The following UBE2E2 variants were observed in gnomAD, a reference collection of about 807,000 sequenced individuals.
UBE2E2 encodes the protein ubiquitin conjugating enzyme E2 E2.
UBE2E2 carries 6 observed loss-of-function variants against 24.7 expected under a neutral mutation model. That is an observed-to-expected ratio of 0.24 (90% CI 0.13 to 0.48). The LOEUF is 0.48. Ranked by LOEUF, UBE2E2 falls within the 20% of genes least tolerant of loss-of-function variation. The pLI is 0.99. For synonymous variants in UBE2E2, 104 were observed against 83.6 expected, an observed-to-expected ratio of 1.24 and a Z score of -1.33; for missense variants, 169 against 245.0, an observed-to-expected ratio of 0.69 and a Z score of 2.07.
chr3:23,296,595 T>TA (rs1698916078), intron 3 of UBE2E2, among the ~76,000 whole-genome samples: 1 of 152,144 alleles, frequency 6.6e-6, no homozygotes, highest in African/African-American at 2.4e-5. Context: ...TGCTGAGAAT[T>TA]ACGGTTTCCA....
At chr3:23,342,946 G>T (rs191638608) in intron 3 of UBE2E2, among the ~76,000 whole-genome samples, 1 of 152,050 alleles carries the variant, frequency 6.6e-6, no homozygotes, top group African/African-American at 2.4e-5. Context: ...TTTTTTGGGG[G>T]TGGGGAACTT....
chr3:23,540,799 C>G (rs982940928), intron 5 of UBE2E2, among the ~76,000 whole-genome samples: 8 of 152,068 alleles, frequency 5.3e-5, no homozygotes, highest in African/African-American at 1.9e-4. Context: ...ACTGCAGCCC[C>G]CTACCGGAAC....
intron 3 of UBE2E2, among the ~76,000 whole-genome samples, chr3:23,232,238 T>G (rs1696994666): frequency 6.6e-6 from 1 of 152,206 alleles, no homozygotes; most frequent in Non-Finnish European, 1.5e-5. Flanking sequence ...AAGACATCAC[T>G]TTGTACATTC....
chr3:23,507,654 A>G (rs1198722033), intron 4 of UBE2E2, among the ~76,000 whole-genome samples: 1 of 152,198 alleles, frequency 6.6e-6, no homozygotes, highest in Admixed American at 6.5e-5. Context: ...TGAGCCTTTT[A>G]TCTCCAATTA....
At chr3:23,530,120 A>G (rs1324397258) in intron 4 of UBE2E2, among the ~76,000 whole-genome samples, 6 of 152,178 alleles carry the variant, frequency 3.9e-5, no homozygotes, top group African/African-American at 1.4e-4. Flanking sequence ...CTGACTTTAC[A>G]TTATGGTCTT....
chr3:23,572,762 C>T (rs1479301926), intron 5 of UBE2E2, among the ~76,000 whole-genome samples: 1 of 152,242 alleles, frequency 6.6e-6, no homozygotes, highest in Non-Finnish European at 1.5e-5. Context: ...ATATGTACCA[C>T]ATTTTCTTTA....
chr3:23,449,658 T>TA (rs1260323578), intron 3 of UBE2E2, among the ~76,000 whole-genome samples: 1 of 152,224 alleles, frequency 6.6e-6, no homozygotes, highest in Non-Finnish European at 1.5e-5. Context: ...GTTCTGGTAA[T>TA]ACTGCAGGTG....
At chr3:23,403,890 A>G (rs1209992234) in intron 3 of UBE2E2, among the ~76,000 whole-genome samples, 3 of 152,006 alleles carry the variant, frequency 2.0e-5, no homozygotes, top group Admixed American at 6.6e-5. Context: ...TTTCTACTTC[A>G]ATCCAAGATG....
At chr3:23,260,880 C>T (rs906326754) in intron 3 of UBE2E2, among the ~76,000 whole-genome samples, 1 of 151,920 alleles carries the variant, frequency 6.6e-6, no homozygotes, top group East Asian at 1.9e-4. Flanking sequence ...CTGAGGTGGG[C>T]GGATCACTTG....
chr3:23,480,630 GAA>G (rs34377610), intron 3 of UBE2E2, among the ~76,000 whole-genome samples: 2 of 109,736 alleles, frequency 1.8e-5, no homozygotes, highest in African/African-American at 6.6e-5. Flanking sequence ...CTTGTCTCAG[GAA>G]AAAAAAAAAA....
At chr3:23,235,255 G>A (rs1174298846) in intron 3 of UBE2E2, among the ~76,000 whole-genome samples, 1 of 152,146 alleles carries the variant, frequency 6.6e-6, no homozygotes, top group African/African-American at 2.4e-5. Flanking sequence ...TTAGTGTGGG[G>A]TTCTAGTTTT....
At chr3:23,515,427 G>A (rs986600049) in intron 4 of UBE2E2, among the ~76,000 whole-genome samples, 2 of 152,000 alleles carry the variant, frequency 1.3e-5, no homozygotes, top group Admixed American at 6.6e-5. Flanking sequence ...GGTCCATGAT[G>A]GATGATAGAA....
intron 3 of UBE2E2, among the ~76,000 whole-genome samples, chr3:23,395,670 A>G (rs187521790): frequency 3.3e-5 from 5 of 152,258 alleles, no homozygotes; most frequent in Admixed American, 2.0e-4. Flanking sequence ...GTGAATCCAG[A>G]ATCTTCTTTA....
intron 3 of UBE2E2, among the ~76,000 whole-genome samples, chr3:23,226,566 G>A (rs1367126107): frequency 6.6e-6 from 1 of 152,186 alleles, no homozygotes; most frequent in Non-Finnish European, 1.5e-5. Flanking sequence ...GGAGGGATGT[G>A]AACTTGGCTT....
chr3:23,302,765 G>A (rs4858495), intron 3 of UBE2E2, among the ~76,000 whole-genome samples: 127,967 of 152,230 alleles, frequency 0.84, 53,896 homozygotes, highest in African/African-American at 0.9. Flanking sequence ...CATAGAAAAT[G>A]TTTAAACTAA....
chr3:23,333,224 G>C (rs1486900057), intron 3 of UBE2E2, among the ~76,000 whole-genome samples: 1 of 152,184 alleles, frequency 6.6e-6, no homozygotes, highest in African/African-American at 2.4e-5. Context: ...TGAGCTTCTA[G>C]AGCTTTGAAG....
chr3:23,288,570 A>G (rs1698679494), intron 3 of UBE2E2, among the ~76,000 whole-genome samples: 1 of 152,088 alleles, frequency 6.6e-6, no homozygotes, highest in South Asian at 2.1e-4. Context: ...GCTCAACAAT[A>G]TTTGCTGTAT....
At chr3:23,504,678 C>A (rs2125459720) in intron 4 of UBE2E2, among the ~76,000 whole-genome samples, 1 of 152,194 alleles carries the variant, frequency 6.6e-6, no homozygotes, top group South Asian at 2.1e-4. Context: ...ATTTGACTAC[C>A]TGTGAAATGT....
At chr3:23,537,276 C>G (rs1025115382) in intron 5 of UBE2E2, among the ~76,000 whole-genome samples, 2 of 152,162 alleles carry the variant, frequency 1.3e-5, no homozygotes, top group African/African-American at 4.8e-5. Context: ...TTGTCTGTCT[C>G]TCTTCAAACA....
Sources: gnomAD v4.1 joint callset for allele counts (sites outside exome capture counted in the v4.1 genomes callset) on GRCh38, gnomAD v4.1.1 for gene constraint, MANE v1.5 for transcripts, NCBI Gene and HGNC (gene_info 2026-07-23, HGNC 2026-07-21) for gene names.